IFI16: variants seen among roughly 807,000 people sequenced by gnomAD.
IFI16 encodes gamma-interferon-inducible protein 16.
A neutral mutation model predicts 68.4 loss-of-function variants in IFI16; 49 were observed. That is an observed-to-expected ratio of 0.72 (90% CI 0.57 to 0.91). The LOEUF (loss-of-function observed/expected upper bound fraction) is 0.91, where lower values mean the gene tolerates loss of function less well. IFI16 is among the 40% of genes least tolerant of loss of function. The probability of loss-of-function intolerance (pLI) is 0.00; values close to 1 mark genes in which losing one functional copy is unlikely to be tolerated. For synonymous variants in IFI16, 307 were observed against 315.0 expected, an observed-to-expected ratio of 0.97 and a Z score of 0.27; for missense variants, 878 against 942.9, an observed-to-expected ratio of 0.93 and a Z score of 0.90.
In IFI16 at chr1:159,054,822, T is replaced by A; in HGVS notation, c.2279T>A (p.Val760Asp). 6.3e-7 allele frequency: 1 copy of A among 1,578,148 alleles called. No homozygotes were observed. The highest frequency in any genetic ancestry group is 8.7e-7 in the Non-Finnish European group (1 of 1,150,160). Reference protein sequence around the residue: ...LRSVIHSHIKVIKTRKNKKDI... With the variant: ...LRSVIHSHIKDIKTRKNKKDI... The stretch of plus-strand genomic sequence containing the variant: ...GTCTTTATCTCTTTCTCCTTCAAGG[T>A]CATCAAGACCAGGAAAAACAAGAAA... Residue 760 changes from valine to aspartate, a missense_variant and splice_region_variant, in exon 12 of 12, where the codon GTC becomes GAC. This residue lies in a region of IFI16 where 311 missense variants were observed against 305.1 expected (regional missense o/e 1.02). Transcript: ENST00000295809.
upstream of IFI16, among the ~76,000 whole-genome samples, chr1:159,003,818 G>A (rs914639124): frequency 2.0e-5 from 3 of 152,008 alleles, no homozygotes; most frequent in African/African-American, 7.2e-5. Context: ...CCGCCACCAT[G>A]CCCAGCTAAT....
In IFI16 at chr1:159,054,852, TACTC is replaced by T; in HGVS notation, c.2311_2314del (p.Leu771IlefsTer53). ...AAGACCAGGAAAAACAAGAAAGACA[TACTC>T]AATCCTGATTCAAGTATGGAAACTT... On this transcript the variant is annotated frameshift_variant, in exon 12 of 12. Coordinates refer to ENST00000295809, the MANE Select transcript of IFI16 (RefSeq NM_001376587.1). LOFTEE classifies it low-confidence loss of function (END_TRUNC). The T allele has an allele frequency of 1.2e-6, 2 of 1,604,614 alleles. No individual in the cohort carries two copies. Among genetic ancestry groups the T allele is most frequent in the Non-Finnish European group, 1.7e-6 (2 of 1,173,054 alleles).
Position 159,021,200 on chromosome 1 carries a change from G to A in IFI16, c.1161+671G>A, listed in dbSNP as rs73021874. On this transcript the variant is annotated intron_variant, in intron 6 of 11. Coordinates refer to ENST00000295809, the MANE Select transcript of IFI16 (RefSeq NM_001376587.1). ...ACTTTTTGATGCACCCATCGTCCAAGCAGCGTACACTGTACCCAGTGTGTA... is the reference window on the plus strand; with the variant it reads ...ACTTTTTGATGCACCCATCGTCCAAACAGCGTACACTGTACCCAGTGTGTA... 9.7e-3 allele frequency among the ~76,000 whole-genome samples: 1,480 copies of A among 152,248 alleles called. 19 individuals carry two copies. Among genetic ancestry groups the A allele is most frequent in the African/African-American group, 0.034 (1,405 of 41,532 alleles).
At chr1:159,046,045 A>G (rs1654962999) in intron 8 of IFI16, among the ~76,000 whole-genome samples, 1 of 151,278 alleles carries the variant, frequency 6.6e-6, no homozygotes, top group Non-Finnish European at 1.5e-5. Flanking sequence ...TTATTAATAT[A>G]TCTTGAACTG....
chr1:159,015,845 T>C, intron 2 of IFI16, 27 bp from the exon 3 acceptor site: 1 of 1,516,912 alleles, frequency 6.6e-7, no homozygotes, highest in Non-Finnish European at 9.1e-7. Context: ...TCTGCATTGG[T>C]TGGGAATAAA....
chr1:159,027,296 T>C (rs1653730689), intron 6 of IFI16, among the ~76,000 whole-genome samples: 1 of 152,256 alleles, frequency 6.6e-6, no homozygotes, highest in Admixed American at 6.5e-5. Flanking sequence ...CCGGTGATTT[T>C]TGTTTTTAAT....
chr1:159,010,426 C>T (rs1056659236), intron 1 of IFI16, among the ~76,000 whole-genome samples: 7 of 152,060 alleles, frequency 4.6e-5, no homozygotes, highest in Admixed American at 2.0e-4. Context: ...ATTAATTATC[C>T]GAGTGTATAC....
chr1:159,026,361 C>T (rs139457552), intron 6 of IFI16, among the ~76,000 whole-genome samples: 3 of 150,834 alleles, frequency 2.0e-5, no homozygotes, highest in East Asian at 1.9e-4. Context: ...TGCAATGGCG[C>T]GATCTTGGCT....
rs541271585 is a variant in IFI16, at chr1:159,040,125, A to G, written c.1330-5172A>G. Reference sequence around the variant, plus strand: ...AAAATCTTGGAAGAACCCATGACGTATGTCAAGAGAATGGGTAAATTAGGG... The same window carrying G: ...AAAATCTTGGAAGAACCCATGACGTGTGTCAAGAGAATGGGTAAATTAGGG... On this transcript the variant is annotated intron_variant, in intron 7 of 11. Transcript: ENST00000295809. Among the ~76,000 whole-genome samples, 31 of 152,348 alleles carry G rather than the reference A, an allele frequency of 2.0e-4. No homozygotes were observed. In the South Asian group the frequency reaches 5.4e-3, roughly 26 times the overall value.
Position 159,020,327 on chromosome 1 carries a change from A to G in IFI16, c.973-14A>G. ...TTACATTCTCAGGAACAGAATATTAATTTTCTGTTACAGAAAACAGTAAAT... is the reference window on the plus strand; with the variant it reads ...TTACATTCTCAGGAACAGAATATTAGTTTTCTGTTACAGAAAACAGTAAAT... On this transcript the variant is annotated splice_polypyrimidine_tract_variant and intron_variant, in intron 5 of 11. Coordinates refer to ENST00000295809, the MANE Select transcript of IFI16 (RefSeq NM_001376587.1). 6.3e-7 allele frequency: 1 copy of G among 1,578,542 alleles called. No homozygotes were observed.
At chr1:159,032,767 AC>A (rs763811747) in intron 7 of IFI16, 76 bp downstream of exon 7, 57 of 1,162,488 alleles carry the variant, frequency 4.9e-5, no homozygotes, top group Admixed American at 8.1e-5. Context: ...TGAAAGAGCT[AC>A]TGCTGTAATC....
intron 6 of IFI16, among the ~76,000 whole-genome samples, chr1:159,026,272 A>T (rs1653660934): frequency 1.3e-5 from 2 of 149,824 alleles, no homozygotes; most frequent in South Asian, 4.2e-4. Flanking sequence ...TGCTTTTGGC[A>T]GTATGGTCAT....
chr1:159,045,477 T>C lies in IFI16; in HGVS notation c.1497+13T>C, dbSNP rs906633073. 25 of 1,605,278 alleles carry C rather than the reference T, an allele frequency of 1.6e-5. No homozygotes were observed. Among genetic ancestry groups the C allele is most frequent in the Non-Finnish European group, 2.1e-5 (25 of 1,174,316 alleles). ...TTTCTTAACCACGGTACAAGTTCCC[T>C]CTTCCCAATACATTCCCCTCACTAC... On this transcript the variant is annotated intron_variant, in intron 8 of 11. Transcript: ENST00000295809.
chr1:159,000,913 T>C (rs555424928), intron 1 of IFI16, among the ~76,000 whole-genome samples: 3 of 152,214 alleles, frequency 2.0e-5, no homozygotes, highest in East Asian at 3.9e-4. Flanking sequence ...GTGTAGCACA[T>C]TGAAGACCTA....
At chr1:159,003,781 C>T (rs1652149007), upstream of IFI16, among the ~76,000 whole-genome samples, 2 of 152,280 alleles carry the variant, frequency 1.3e-5, no homozygotes, top group South Asian at 4.1e-4. Context: ...CTGCCTCAGC[C>T]TCCCGAGTAG....
At chr1:159,050,147 A>T (rs1381537787) in intron 9 of IFI16, among the ~76,000 whole-genome samples, 1 of 152,172 alleles carries the variant, frequency 6.6e-6, no homozygotes, top group Non-Finnish European at 1.5e-5. Context: ...ATTTTTCCAT[A>T]ACCCATGTTT....
Position 159,032,392 on chromosome 1 carries a change from A to G in IFI16, c.1162-132A>G, listed in dbSNP as rs535862508. 8 of 537,038 alleles carry G rather than the reference A, an allele frequency of 1.5e-5. No individual in the cohort carries two copies. The South Asian group carries it at 1.5e-4, about 10-fold the overall frequency. The allele number at this position is 537,038 out of a possible 1,614,324, so 33.3% of individuals were successfully genotyped here. On this transcript the variant is annotated intron_variant, in intron 6 of 11. Transcript: ENST00000295809. ...TTCTGACAATTGCCTGGAGGGATAC[A>G]TTAGAGAGAGACCATGTTTGGAAGT...
In IFI16 at chr1:159,016,572, G is replaced by C; in HGVS notation, c.421G>C (p.Gly141Arg). Reference protein sequence around the residue: ...KSTKEKAGPKGSKVSEEQTQP... With the variant: ...KSTKEKAGPKRSKVSEEQTQP... ...AACCAAAGAAAAGGCTGGACCCAAA[G>C]GGAGTAAGGTGTCCGAGGAACAGAC... The change falls in exon 4 of 12, where the codon GGG (glycine) becomes CGG (arginine). Residue 141 changes from glycine to arginine, a missense_variant. Physicochemically the swap from Gly to Arg is moderately radical, Grantham distance 125. Transcript: ENST00000295809. The C allele has an allele frequency of 6.2e-7, 1 of 1,613,778 alleles. No homozygotes were observed. Among genetic ancestry groups the C allele is most frequent in the Non-Finnish European group, 8.5e-7 (1 of 1,179,906 alleles).
chr1:159,045,043 G>A (rs1344519762), intron 7 of IFI16, among the ~76,000 whole-genome samples: 2 of 152,072 alleles, frequency 1.3e-5, no homozygotes, highest in Non-Finnish European at 2.9e-5. Context: ...TTTACAGGAC[G>A]TGAAGACTGA....
Sources: gnomAD v4.1 joint callset for allele counts (sites outside exome capture counted in the v4.1 genomes callset) on GRCh38, gnomAD v4.1.1 for gene constraint, gnomAD v4.1.1 regional missense constraint, MANE v1.5 for transcripts, NCBI Gene and HGNC (gene_info 2026-07-23, HGNC 2026-07-21) for gene names.